The following CYP2C19 variants were observed in gnomAD, a reference collection of about 807,000 sequenced individuals.
CYP2C19 encodes the protein cytochrome P450 2C19.
A neutral mutation model predicts 40.9 loss-of-function variants in CYP2C19; 59 were observed. The observed-to-expected ratio is 1.44, with a 90% CI of 1.17 to 1.79. CYP2C19 has a LOEUF of 1.79. CYP2C19 is among the 40% of genes most tolerant of loss of function. CYP2C19 has a pLI of 0.00. For synonymous variants in CYP2C19, 253 were observed against 208.7 expected, an observed-to-expected ratio of 1.21 and a Z score of -1.83; for missense variants, 754 against 596.9, an observed-to-expected ratio of 1.26 and a Z score of -2.74.
At chr10:94,830,267 T>G (rs1384096620) in intron 6 of CYP2C19, among the ~76,000 whole-genome samples, 1 of 152,230 alleles carries the variant, frequency 6.6e-6, no homozygotes, top group Non-Finnish European at 1.5e-5. Flanking sequence ...GCTGCCACCT[T>G]GCAGTTTGAT....
intron 6 of CYP2C19, among the ~76,000 whole-genome samples, chr10:94,826,644 C>T (rs1849228280): frequency 6.6e-6 from 1 of 152,158 alleles, no homozygotes; most frequent in Non-Finnish European, 1.5e-5. Flanking sequence ...ATTGAATCCC[C>T]TTTATTTCCT....
intron 6 of CYP2C19, among the ~76,000 whole-genome samples, chr10:94,829,197 C>T (rs543406390): frequency 2.9e-4 from 44 of 152,242 alleles, no homozygotes; most frequent in African/African-American, 9.6e-4. Context: ...TTTCCTGAAT[C>T]TGAACGTTGG....
chr10:94,830,214 G>T (rs576730286), intron 6 of CYP2C19, among the ~76,000 whole-genome samples: 6 of 152,324 alleles, frequency 3.9e-5, no homozygotes, highest in Admixed American at 6.5e-5. Flanking sequence ...CTTTGTTTAC[G>T]TAATCAAGCA....
chr10:94,845,201 C>T (rs1333690282), intron 7 of CYP2C19, among the ~76,000 whole-genome samples: 3 of 152,110 alleles, frequency 2.0e-5, no homozygotes, highest in South Asian at 4.1e-4. Flanking sequence ...CTGTAATGGG[C>T]CAGATAGTAA....
At chr10:94,843,738 G>T (rs368454738) in intron 7 of CYP2C19, among the ~76,000 whole-genome samples, 3 of 152,132 alleles carry the variant, frequency 2.0e-5, no homozygotes, top group East Asian at 3.9e-4. Flanking sequence ...TCCAATTCTT[G>T]TGGGCTTAAT....
chr10:94,838,425 G>A (rs763464596), intron 6 of CYP2C19, among the ~76,000 whole-genome samples: 7 of 152,178 alleles, frequency 4.6e-5, no homozygotes, highest in Admixed American at 6.5e-5. Flanking sequence ...TCAAAGGATT[G>A]CCCTAACCCT....
intron 3 of CYP2C19, among the ~76,000 whole-genome samples, chr10:94,777,766 CA>C (rs1396124030): frequency 4.6e-5 from 7 of 151,994 alleles, no homozygotes; most frequent in Non-Finnish European, 7.4e-5. Flanking sequence ...ACTAAAACAC[CA>C]AAAGCAATGG....
intron 3 of CYP2C19, among the ~76,000 whole-genome samples, chr10:94,779,603 C>A (rs1848457074): frequency 7.3e-6 from 1 of 136,968 alleles, no homozygotes; most frequent in Admixed American, 7.9e-5. Context: ...ACTCTTTTGC[C>A]AGGCTGAAGT....
intron 5 of CYP2C19, among the ~76,000 whole-genome samples, chr10:94,797,777 TAC>T (rs1228003415): frequency 6.6e-6 from 1 of 152,180 alleles, no homozygotes; most frequent in Non-Finnish European, 1.5e-5. Flanking sequence ...TTTATTTGCA[TAC>T]AGGTGTTTAT....
intron 7 of CYP2C19, among the ~76,000 whole-genome samples, chr10:94,849,465 C>A (rs954731654): frequency 6.6e-6 from 1 of 151,414 alleles, no homozygotes; most frequent in Non-Finnish European, 1.5e-5. Context: ...TCCTATAGGA[C>A]TTTGGGATTT....
At chr10:94,831,947 C>T (rs975759816) in intron 6 of CYP2C19, among the ~76,000 whole-genome samples, 2 of 152,120 alleles carry the variant, frequency 1.3e-5, no homozygotes, top group Admixed American at 6.5e-5. Flanking sequence ...AATGCCTGTG[C>T]TTGTGGGGTA....
intron 6 of CYP2C19, among the ~76,000 whole-genome samples, chr10:94,827,630 A>AT (rs1426392361): frequency 6.6e-6 from 1 of 152,038 alleles, no homozygotes; most frequent in African/African-American, 2.4e-5. Context: ...GGATTCATTA[A>AT]TTTTTTGAAG....
chr10:94,789,512 A>C (rs1848581019), intron 5 of CYP2C19, among the ~76,000 whole-genome samples: 1 of 152,004 alleles, frequency 6.6e-6, no homozygotes, highest in Non-Finnish European at 1.5e-5. Context: ...ATCTTGAATT[A>C]ATTTTTGTAT....
chr10:94,792,919 A>C (rs1424386566), intron 5 of CYP2C19, among the ~76,000 whole-genome samples: 1 of 152,138 alleles, frequency 6.6e-6, no homozygotes, highest in African/African-American at 2.4e-5. Flanking sequence ...AGGTTGGGGA[A>C]GTTCTCCTGG....
Position 94,775,460 on chromosome 10 carries a change from T to G in CYP2C19, c.402T>G (p.Phe134Leu), listed in dbSNP as rs1191633877. ...TCTCCCTCATGACGCTGCGGAATTT[T>G]GGGATGGGGAAGAGGAGCATTGAGG... is the stretch of plus-strand genomic sequence containing the variant. ...RRFSLMTLRN[F>L]GMGKRSIEDR... The change falls in exon 3 of 9, where the codon TTT (phenylalanine) becomes TTG (leucine). Residue 134 changes from phenylalanine (F) to leucine (L), a missense_variant. Phe to Leu is a conservative substitution (Grantham distance 22, BLOSUM62 0). Transcript: ENST00000371321. The G allele has an allele frequency of 1.9e-6, 3 of 1,613,944 alleles. No homozygotes were observed. In the African/African-American group the frequency reaches 4.0e-5, roughly 22 times the overall value.
chr10:94,807,665 T>A (rs553589073), intron 5 of CYP2C19, among the ~76,000 whole-genome samples: 1 of 152,290 alleles, frequency 6.6e-6, no homozygotes, highest in Non-Finnish European at 1.5e-5. Flanking sequence ...TCCATATACC[T>A]ATTGGCCACT....
chr10:94,846,195 A>G lies in CYP2C19; in HGVS notation c.1149+3171A>G, dbSNP rs77220658. Among the ~76,000 whole-genome samples the G allele has an allele frequency of 7.5e-3, 1,138 of 152,210 alleles. 20 individuals are homozygous for G. Among genetic ancestry groups the G allele is most frequent in the African/African-American group, 0.026 (1,095 of 41,544 alleles). On this transcript the variant is annotated intron_variant, in intron 7 of 8. Coordinates refer to ENST00000371321, the MANE Select transcript of CYP2C19 (RefSeq NM_000769.4). Reference sequence around the variant, plus strand: ...TCATTTTTATCTCCTGTAATCAAGAACAGTTCATTTCCTCTGTTTCCTTTC... The same window carrying G: ...TCATTTTTATCTCCTGTAATCAAGAGCAGTTCATTTCCTCTGTTTCCTTTC...
At chr10:94,836,039 G>A (rs1229514058) in intron 6 of CYP2C19, among the ~76,000 whole-genome samples, 1 of 152,182 alleles carries the variant, frequency 6.6e-6, no homozygotes, top group African/African-American at 2.4e-5. Context: ...TGACAGTTAT[G>A]TTCTATCTTT....
chr10:94,784,809 C>T (rs541013764), intron 5 of CYP2C19, among the ~76,000 whole-genome samples: 5 of 151,866 alleles, frequency 3.3e-5, no homozygotes, highest in Admixed American at 1.3e-4. Context: ...AGGCTGGTCT[C>T]GAACTCTTGA....
Sources: gnomAD v4.1 joint callset for allele counts (sites outside exome capture counted in the v4.1 genomes callset) on GRCh38, gnomAD v4.1.1 for gene constraint, MANE v1.5 for transcripts, NCBI Gene and HGNC (gene_info 2026-07-23, HGNC 2026-07-21) for gene names.